SORCS3: variants seen among roughly 807,000 people sequenced by gnomAD.
SORCS3 encodes the protein VPS10 domain-containing receptor SorCS3.
A neutral mutation model predicts 146.3 loss-of-function variants in SORCS3; 57 were observed. The observed-to-expected ratio is 0.39, with a 90% CI of 0.31 to 0.49. The LOEUF is 0.49. Among genes scored for constraint, SORCS3 ranks in the 20% least tolerant of loss-of-function variants. The pLI is 0.92. For missense variants in SORCS3, 1,341 were observed against 1,575.5 expected, an observed-to-expected ratio of 0.85 and a Z score of 2.52; for synonymous variants, 653 against 618.5, an observed-to-expected ratio of 1.06 and a Z score of -0.83.
rs754672237 is a variant in SORCS3 at position 105,157,228 on chromosome 10, C to T, written c.1573C>T (p.Arg525Cys). ...CACTTACAACAAAGGCAGGGATTGGCGCCTGCTGCAAGCTCCGGATGTGGA... is the reference window on the plus strand; with the variant it reads ...CACTTACAACAAAGGCAGGGATTGGTGCCTGCTGCAAGCTCCGGATGTGGA... ...YITYNKGRDW[R>C]LLQAPDVDLR... The change falls in exon 10 of 27, where the codon CGC becomes TGC. Residue 525 changes from arginine to cysteine, a missense_variant. By Grantham distance (180) the Arg-to-Cys change is radical. Coordinates refer to ENST00000369701, the MANE Select transcript of SORCS3 (RefSeq NM_014978.3). The T allele has an allele frequency of 2.4e-5, 39 of 1,613,942 alleles. No individual in the cohort carries two copies. Among genetic ancestry groups the T allele is most frequent in the Non-Finnish European group, 2.8e-5 (33 of 1,179,970 alleles).
intron 25 of SORCS3, among the ~76,000 whole-genome samples, chr10:105,257,567 C>T (rs2056938784): frequency 6.6e-6 from 1 of 152,136 alleles, no homozygotes; most frequent in Non-Finnish European, 1.5e-5. Context: ...TTTGTACTAA[C>T]ATTCAAATTA....
rs749227294 is a variant in SORCS3, at chr10:104,641,947, A to G, written c.620A>G (p.Asn207Ser). ...NQAMVHWSGH[N>S]SSVILILTKL... ...GCCATGGTGCACTGGTCGGGACACA[A>G]CAGCAGCGTGAGTACCCACCCGGCG... The change falls in exon 1 of 27, where the codon AAC (asparagine) becomes AGC (serine). Residue 207 changes from asparagine (N) to serine (S), a missense_variant. Coordinates refer to ENST00000369701, the MANE Select transcript of SORCS3 (RefSeq NM_014978.3). This position sits in a 1 kb window ranked among gnomAD's most constrained non-coding sequence, Gnocchi z 6.4. The G allele has an allele frequency of 1.6e-5, 21 of 1,344,922 alleles. No individual in the cohort carries two copies. The South Asian group carries it at 2.2e-4, about 14-fold the overall frequency. 83.3% of individuals were successfully genotyped at this position (1,344,922 alleles called of 1,614,324 possible). A position where few individuals can be genotyped will look rare whatever the true frequency, so the allele number is the denominator to read the frequency against.
At chr10:104,823,849 T>C (rs2017903557) in intron 1 of SORCS3, among the ~76,000 whole-genome samples, 2 of 152,148 alleles carry the variant, frequency 1.3e-5, no homozygotes, top group African/African-American at 4.8e-5. Flanking sequence ...AAAGCGATTG[T>C]CTTGAATTAT....
intron 2 of SORCS3, among the ~76,000 whole-genome samples, chr10:104,846,769 G>T (rs1238019847): frequency 1.3e-5 from 2 of 152,098 alleles, no homozygotes; most frequent in Non-Finnish European, 2.9e-5. Context: ...ACCATCTGTT[G>T]GTATCCCTTA....
intron 14 of SORCS3, among the ~76,000 whole-genome samples, chr10:105,185,072 C>T (rs769989083): frequency 1.3e-4 from 20 of 152,094 alleles, no homozygotes; most frequent in Non-Finnish European, 2.6e-4. Context: ...ATGTGTCCTT[C>T]GATGATTGGC....
intron 25 of SORCS3, among the ~76,000 whole-genome samples, chr10:105,259,663 A>G (rs2056949591): frequency 6.6e-6 from 1 of 152,192 alleles, no homozygotes; most frequent in African/African-American, 2.4e-5. Context: ...ATTTCTTTCC[A>G]TAACTGAAGA....
chr10:104,857,538 G>A (rs1196217163), intron 2 of SORCS3, among the ~76,000 whole-genome samples: 2 of 152,160 alleles, frequency 1.3e-5, no homozygotes, highest in African/African-American at 4.8e-5. Context: ...GCCAGCCCCT[G>A]TAGAATGTCC....
chr10:104,696,311 ATG>A lies in SORCS3; in HGVS notation c.627+54358_627+54359del, dbSNP rs1449602359. Among the ~76,000 whole-genome samples the A allele has an allele frequency of 2.4e-4, 27 of 110,782 alleles. 9 individuals carry two copies. Among genetic ancestry groups the A allele is most frequent in the South Asian group, 7.7e-4 (3 of 3,896 alleles). The allele number at this position is 110,782 out of a possible 152,430, so 72.7% of individuals were successfully genotyped here. ...TATATATCATATACACATATGATAT[ATG>A]ATATATATCATATACACATATGATA... On this transcript the variant is annotated intron_variant, in intron 1 of 26. Coordinates refer to ENST00000369701, the MANE Select transcript of SORCS3 (RefSeq NM_014978.3).
At chr10:104,910,549 G>T (rs74155062) in intron 2 of SORCS3, among the ~76,000 whole-genome samples, 1 of 152,172 alleles carries the variant, frequency 6.6e-6, no homozygotes, top group Non-Finnish European at 1.5e-5. Flanking sequence ...CTCACAAGCC[G>T]AATGTTGGGT....
At chr10:104,954,519 T>C (rs1191075194) in intron 3 of SORCS3, among the ~76,000 whole-genome samples, 2 of 152,192 alleles carry the variant, frequency 1.3e-5, no homozygotes, top group African/African-American at 4.8e-5. Context: ...TGAGGGGGCC[T>C]CTGCTTGTTA....
chr10:104,703,281 C>T (rs183040283), intron 1 of SORCS3, among the ~76,000 whole-genome samples: 15 of 152,198 alleles, frequency 9.9e-5, no homozygotes, highest in African/African-American at 3.4e-4. Flanking sequence ...TCTAGATCCT[C>T]GAGGAATCGC....
chr10:105,142,594 C>T (rs2056102621), intron 8 of SORCS3, among the ~76,000 whole-genome samples: 1 of 152,136 alleles, frequency 6.6e-6, no homozygotes, highest in African/African-American at 2.4e-5. Context: ...TGAGGAACAG[C>T]CCCCCTTAAC....
At chr10:104,675,328 C>T (rs2133260514) in intron 1 of SORCS3, among the ~76,000 whole-genome samples, 1 of 152,032 alleles carries the variant, frequency 6.6e-6, no homozygotes, top group Admixed American at 6.6e-5. Context: ...TTTGTAAGTT[C>T]CTTATTTTCT....
intron 1 of SORCS3, among the ~76,000 whole-genome samples, chr10:104,646,738 T>C (rs1346602039): frequency 2.0e-5 from 3 of 152,172 alleles, no homozygotes; most frequent in South Asian, 2.1e-4. Context: ...TGCAGTAAGT[T>C]TGAAGGAGAA....
At chr10:105,099,751 T>G (rs965755609) in intron 6 of SORCS3, among the ~76,000 whole-genome samples, 1 of 152,148 alleles carries the variant, frequency 6.6e-6, no homozygotes, top group Non-Finnish European at 1.5e-5. Context: ...TGAGCAGAAA[T>G]ACAGCCTCTT....
At chr10:104,696,798 G>A (rs2016221947) in intron 1 of SORCS3, among the ~76,000 whole-genome samples, 1 of 134,884 alleles carries the variant, frequency 7.4e-6, no homozygotes, top group Non-Finnish European at 1.5e-5. Flanking sequence ...ATATTATTCA[G>A]CCATAAAATG....
chr10:104,860,408 G>A (rs1175779411), intron 2 of SORCS3, among the ~76,000 whole-genome samples: 1 of 136,258 alleles, frequency 7.3e-6, no homozygotes, highest in East Asian at 2.4e-4. Flanking sequence ...ATCACACTCT[G>A]GGGACTGTTG....
rs1564793598 is a variant in SORCS3 at position 105,242,542 on chromosome 10, T to TTATATACATTTATATATATTTATATA, written c.2869-2994_2869-2993insCATTTATATATATTTATATATATATA. Among the ~76,000 whole-genome samples the TTATATACATTTATATATATTTATATA allele has an allele frequency of 2.8e-4, 27 of 97,910 alleles. 1 individual carries two copies. The highest frequency in any genetic ancestry group is 1.2e-3 in the African/African-American group (27 of 23,104). The allele number at this position is 97,910 out of a possible 152,430, so 64.2% of individuals were successfully genotyped here. On this transcript the variant is annotated intron_variant, in intron 20 of 26. Transcript: ENST00000369701. Reference sequence around the variant, plus strand: ...TACATTTATATATATTTATATATATTTATATATTTATATACATTTATATAT... The same window carrying TTATATACATTTATATATATTTATATA: ...TACATTTATATATATTTATATATATTTATATACATTTATATATATTTATATATATATATTTATATACATTTATATAT...
intron 4 of SORCS3, among the ~76,000 whole-genome samples, chr10:104,996,820 A>G (rs938132679): frequency 1.8e-4 from 27 of 152,304 alleles, no homozygotes; most frequent in Non-Finnish European, 2.9e-4. Context: ...TAGAAAAAAA[A>G]ATTTTTACTA....
Sources: allele counts gnomAD v4.1 joint callset (sites outside exome capture counted in the v4.1 genomes callset), GRCh38; gene constraint gnomAD v4.1.1; non-coding constraint Gnocchi (gnomAD v3.1); transcripts MANE v1.5; gene names NCBI Gene and HGNC (gene_info 2026-07-23, HGNC 2026-07-21).